SCOC: variants seen among roughly 807,000 people sequenced by gnomAD.
SCOC encodes short coiled-coil protein.
SCOC carries 7 observed loss-of-function variants against 9.9 expected under a neutral mutation model. The observed-to-expected ratio is 0.71, with a 90% confidence interval of 0.40 to 1.33. The LOEUF is 1.33. Ranked by LOEUF, SCOC falls within the 40% of genes most tolerant of loss-of-function variation. The probability of loss-of-function intolerance (pLI) is 0.01; values close to 1 mark genes in which losing one functional copy is unlikely to be tolerated. For missense variants in SCOC, 66 were observed against 89.7 expected (o/e 0.74, Z 1.07); for synonymous variants, 19 against 28.2 (o/e 0.67, Z 1.03).
upstream of SCOC, among the ~76,000 whole-genome samples, chr4:140,342,711 T>C (rs1459711491): frequency 1.3e-5 from 2 of 152,220 alleles, no homozygotes; most frequent in Non-Finnish European, 2.9e-5. Flanking sequence ...AAAGGAGTGA[T>C]TATTTGAAAT....
intron 1 of SCOC, among the ~76,000 whole-genome samples, chr4:140,273,436 CT>C (rs539989374): frequency 3.3e-5 from 5 of 151,384 alleles, no homozygotes; most frequent in East Asian, 1.9e-4. Context: ...TTTTACACAT[CT>C]TTTTTTTTCT....
At chr4:140,274,430 C>A (rs1002717786) in intron 1 of SCOC, among the ~76,000 whole-genome samples, 5 of 152,116 alleles carry the variant, frequency 3.3e-5, no homozygotes, top group African/African-American at 7.2e-5. Flanking sequence ...TTGGAGATGA[C>A]CTTCTCCAGT....
intron 2 of SCOC, among the ~76,000 whole-genome samples, chr4:140,357,294 T>C (rs940131547): frequency 6.6e-6 from 1 of 152,216 alleles, no homozygotes; most frequent in Non-Finnish European, 1.5e-5. Context: ...TTATATATGG[T>C]AATCAGGTGT....
intron 2 of SCOC, chr4:140,366,370 C>A: frequency 2.6e-5 from 33 of 1,260,204 alleles, no homozygotes; most frequent in Non-Finnish European, 3.4e-5. Context: ...GCCTTCTTGC[C>A]TGCAGCGGTC....
intron 2 of SCOC, among the ~76,000 whole-genome samples, chr4:140,351,921 T>C (rs930831123): frequency 2.0e-5 from 3 of 152,218 alleles, no homozygotes; most frequent in Non-Finnish European, 2.9e-5. Flanking sequence ...CTTTCTTTTC[T>C]GATATGAATG....
chr4:140,369,208 G>T, upstream of SCOC: 1 of 313,772 alleles, frequency 3.2e-6, no homozygotes, highest in Non-Finnish European at 6.5e-6. Context: ...TTACCAAATA[G>T]CTATATGGTA....
At chr4:140,332,035 C>T (rs112565567) in intron 1 of SCOC, among the ~76,000 whole-genome samples, 124 of 152,050 alleles carry the variant, frequency 8.2e-4, no homozygotes, top group African/African-American at 2.8e-3. Flanking sequence ...GGGGAGGTGC[C>T]GCACACTTTA....
chr4:140,366,898 C>A lies in SCOC; in HGVS notation c.71-12223C>A, dbSNP rs1396470944. The stretch of plus-strand genomic sequence containing the variant: ...TGGCAAGAAGGAAGAAGGCCAGGTG[C>A]ATTCTTTTATAAAATATTAGTTATT... On this transcript the variant is annotated intron_variant, in intron 2 of 4. Transcript: ENST00000338517. 9.1e-6 allele frequency: 6 copies of A among 662,502 alleles called. No individual in the cohort carries two copies. In the East Asian group the frequency reaches 1.3e-4, roughly 14 times the overall value. 41.0% of individuals were successfully genotyped at this position (662,502 alleles called of 1,614,324 possible).
chr4:140,339,532 C>T (rs965159820), upstream of SCOC, among the ~76,000 whole-genome samples: 4 of 152,044 alleles, frequency 2.6e-5, no homozygotes, highest in East Asian at 1.9e-4. Context: ...AATGGGAGAA[C>T]ATTTTTGCAA....
At chr4:140,341,804 C>CT (rs1221489723), upstream of SCOC, among the ~76,000 whole-genome samples, 2 of 152,198 alleles carry the variant, frequency 1.3e-5, no homozygotes, top group Non-Finnish European at 2.9e-5. Flanking sequence ...CAGCCAGTAA[C>CT]TAAGTGCTGT....
At chr4:140,326,239 G>T (rs114434632) in intron 1 of SCOC, among the ~76,000 whole-genome samples, 1 of 152,016 alleles carries the variant, frequency 6.6e-6, no homozygotes, top group Non-Finnish European at 1.5e-5. Context: ...ATGATGAAAC[G>T]GTTCTATACA....
chr4:140,278,093 C>T (rs1422324837), intron 1 of SCOC, among the ~76,000 whole-genome samples: 3 of 152,170 alleles, frequency 2.0e-5, no homozygotes, highest in Non-Finnish European at 4.4e-5. Flanking sequence ...TAGTCTGCTC[C>T]TGTTGCTATA....
At chr4:140,275,755 T>C (rs906860092) in intron 1 of SCOC, among the ~76,000 whole-genome samples, 1 of 151,608 alleles carries the variant, frequency 6.6e-6, no homozygotes, top group African/African-American at 2.4e-5. Context: ...TTCAGAAAAT[T>C]AATGAACTGC....
chr4:140,362,793 C>T (rs911347855), intron 2 of SCOC: 3 of 152,090 alleles, frequency 2.0e-5, no homozygotes, highest in Non-Finnish European at 4.4e-5. Flanking sequence ...TTTTCTGAGA[C>T]ATTTTGTGGT....
intron 1 of SCOC, among the ~76,000 whole-genome samples, chr4:140,311,577 C>T (rs1472707491): frequency 6.6e-6 from 1 of 152,262 alleles, no homozygotes; most frequent in Non-Finnish European, 1.5e-5. Context: ...TATCTCAGTG[C>T]TTGGCAGACC....
chr4:140,273,380 A>G (rs1165269145), intron 1 of SCOC, among the ~76,000 whole-genome samples: 1 of 151,998 alleles, frequency 6.6e-6, no homozygotes, highest in African/African-American at 2.4e-5. Flanking sequence ...CTTAGTTCTA[A>G]TTCATTTCTC....
At chr4:140,366,402 C>T in intron 2 of SCOC, 1 of 1,293,020 alleles carries the variant, frequency 7.7e-7, no homozygotes, top group Non-Finnish European at 1.1e-6. Flanking sequence ...AGAACTTTAG[C>T]AGCAGCTGCA....
At chr4:140,347,163 AT>A (rs942367885) in intron 2 of SCOC, among the ~76,000 whole-genome samples, 18 of 152,008 alleles carry the variant, frequency 1.2e-4, no homozygotes, top group African/African-American at 2.7e-4. Flanking sequence ...AGGTACAGTA[AT>A]TTTTTTTAAT....
intron 2 of SCOC, among the ~76,000 whole-genome samples, chr4:140,364,154 T>G (rs1727686104): frequency 6.6e-6 from 1 of 151,994 alleles, no homozygotes; most frequent in Non-Finnish European, 1.5e-5. Flanking sequence ...AAAATGCAGT[T>G]TTTCTGTGGG....
Sources: gnomAD v4.1 joint callset for allele counts (sites outside exome capture counted in the v4.1 genomes callset) on GRCh38, gnomAD v4.1.1 for gene constraint, MANE v1.5 for transcripts, NCBI Gene and HGNC (gene_info 2026-07-23, HGNC 2026-07-21) for gene names.